Variants in TMTC2 observed in about 807,000 individuals in gnomAD.
TMTC2 encodes the protein transmembrane O-mannosyltransferase targeting cadherins 2, also known as protein O-mannosyl-transferase TMTC2.
In TMTC2, 43 loss-of-function variants were observed where a neutral mutation model predicts 82.4. That is an observed-to-expected ratio of 0.52 (90% CI 0.41 to 0.67). The LOEUF is 0.67. TMTC2 is among the 30% of genes least tolerant of loss of function. TMTC2 has a pLI of 0.00. For missense variants in TMTC2, 919 were observed against 1,012.4 expected (o/e 0.91, Z 1.25); for synonymous variants, 408 against 381.9 (o/e 1.07, Z -0.80).
At chr12:83,033,399 C>G (rs1881519754) in intron 9 of TMTC2, among the ~76,000 whole-genome samples, 1 of 152,164 alleles carries the variant, frequency 6.6e-6, no homozygotes, top group Non-Finnish European at 1.5e-5. Flanking sequence ...TTGACTTGCT[C>G]AAGTTAATTA....
At chr12:82,947,231 T>G (rs560892501) in intron 4 of TMTC2, among the ~76,000 whole-genome samples, 17 of 152,138 alleles carry the variant, frequency 1.1e-4, no homozygotes, top group African/African-American at 4.1e-4. Flanking sequence ...AAAAAATCTC[T>G]AAATCTTCAA....
chr12:82,919,240 C>T (rs1488005542), intron 3 of TMTC2, among the ~76,000 whole-genome samples: 1 of 152,170 alleles, frequency 6.6e-6, no homozygotes, highest in East Asian at 1.9e-4. Context: ...TAACAGTTCA[C>T]TCTAGTGAAA....
intron 1 of TMTC2, among the ~76,000 whole-genome samples, chr12:82,854,395 C>T (rs905523661): frequency 6.6e-6 from 1 of 152,138 alleles, no homozygotes; most frequent in Non-Finnish European, 1.5e-5. Flanking sequence ...CCTAAGGACA[C>T]CTTGTGGGCC....
intron 1 of TMTC2, among the ~76,000 whole-genome samples, chr12:82,714,318 T>C (rs1873793028): frequency 6.6e-6 from 1 of 152,222 alleles, no homozygotes; most frequent in Admixed American, 6.5e-5. Flanking sequence ...AAATAAATAT[T>C]TAGAAAGTTG....
intron 2 of TMTC2, among the ~76,000 whole-genome samples, chr12:82,892,322 C>G (rs1016733162): frequency 2.6e-5 from 4 of 152,074 alleles, no homozygotes; most frequent in African/African-American, 9.7e-5. Context: ...AGTACTTAGA[C>G]ATATAATATT....
chr12:82,824,984 G>T (rs12296710), intron 1 of TMTC2, among the ~76,000 whole-genome samples: 9,294 of 151,970 alleles, frequency 0.061, 309 homozygotes, highest in Middle Eastern at 0.19. Context: ...AGCTACTTGG[G>T]AGCCTGAGGC....
At chr12:83,114,394 T>G (rs1884691945) in intron 11 of TMTC2, among the ~76,000 whole-genome samples, 1 of 152,156 alleles carries the variant, frequency 6.6e-6, no homozygotes, top group Non-Finnish European at 1.5e-5. Flanking sequence ...GATCTCAGAC[T>G]TCCAGACTCC....
chr12:83,127,212 A>G (rs2137569493), intron 11 of TMTC2, among the ~76,000 whole-genome samples: 1 of 152,286 alleles, frequency 6.6e-6, no homozygotes, highest in Admixed American at 6.5e-5. Flanking sequence ...TTGAGTAATA[A>G]CTAGGTAAGG....
intron 4 of TMTC2, among the ~76,000 whole-genome samples, chr12:82,958,024 A>G (rs934498609): frequency 5.3e-5 from 8 of 152,042 alleles, no homozygotes; most frequent in Admixed American, 6.6e-5. Context: ...GACTCATTCT[A>G]TGAAGCCAGC....
intron 8 of TMTC2, among the ~76,000 whole-genome samples, chr12:82,993,425 T>TA (rs1392682366): frequency 3.9e-5 from 6 of 151,984 alleles, no homozygotes; most frequent in Non-Finnish European, 8.8e-5. Context: ...TGCAACAATT[T>TA]AAAAAAACAG....
intron 1 of TMTC2, among the ~76,000 whole-genome samples, chr12:82,793,218 G>A (rs1878551412): frequency 6.6e-6 from 1 of 151,938 alleles, no homozygotes; most frequent in South Asian, 2.1e-4. Context: ...TCCTTTTTTA[G>A]TACCTTTTGG....
rs1479433545 is a variant in TMTC2 at position 82,963,834 on chromosome 12, T to C, written c.1599-1190T>C. Among the ~76,000 whole-genome samples the C allele has an allele frequency of 7.7e-4, 80 of 104,226 alleles. 3 individuals carry two copies. The highest frequency in any genetic ancestry group is 3.0e-3 in the African/African-American group (54 of 17,942). The allele number at this position is 104,226 out of a possible 152,430, so 68.4% of individuals were successfully genotyped here. The stretch of plus-strand genomic sequence containing the variant: ...ATATATATATATATATATATATATA[T>C]ATATATATATATATATGTGAAAGTG... On this transcript the variant is annotated intron_variant, in intron 4 of 11. Coordinates refer to ENST00000321196, the MANE Select transcript of TMTC2 (RefSeq NM_152588.3).
intron 3 of TMTC2, among the ~76,000 whole-genome samples, chr12:82,919,561 A>T (rs1221621724): frequency 1.3e-5 from 2 of 152,200 alleles, no homozygotes; most frequent in Admixed American, 6.5e-5. Flanking sequence ...TCAAGGCATG[A>T]TCTGTATAGA....
intron 8 of TMTC2, among the ~76,000 whole-genome samples, chr12:83,022,305 AG>A (rs778760939): frequency 7.3e-5 from 11 of 151,198 alleles, no homozygotes; most frequent in Non-Finnish European, 1.3e-4. Context: ...CTACTCCCTT[AG>A]GTTACTCTTC....
At chr12:82,966,496 G>A (rs1409977252) in intron 6 of TMTC2, among the ~76,000 whole-genome samples, 6 of 152,158 alleles carry the variant, frequency 3.9e-5, no homozygotes, top group Non-Finnish European at 8.8e-5. Context: ...AATTTCTGTG[G>A]GTTTCAAGAG....
intron 8 of TMTC2, among the ~76,000 whole-genome samples, chr12:83,029,151 G>A (rs1041979051): frequency 5.3e-5 from 8 of 151,754 alleles, no homozygotes; most frequent in Admixed American, 2.6e-4. Flanking sequence ...TTTTAATGAC[G>A]GAATGAACAA....
intron 10 of TMTC2, among the ~76,000 whole-genome samples, chr12:83,053,335 G>A (rs1350241718): frequency 6.6e-6 from 1 of 151,992 alleles, no homozygotes; most frequent in African/African-American, 2.4e-5. Flanking sequence ...AGAGAGACTG[G>A]GTGTCTCCTG....
intron 1 of TMTC2, among the ~76,000 whole-genome samples, chr12:82,752,030 C>T (rs1876033695): frequency 6.6e-6 from 1 of 152,044 alleles, no homozygotes; most frequent in Non-Finnish European, 1.5e-5. Context: ...GGAAAAATGC[C>T]ATTCCATTAG....
At chr12:83,011,528 A>G (rs1184331359) in intron 8 of TMTC2, among the ~76,000 whole-genome samples, 1 of 152,200 alleles carries the variant, frequency 6.6e-6, no homozygotes, top group Admixed American at 6.5e-5. Flanking sequence ...TATGGCATGG[A>G]ACATTGCTAA....
Sources: gnomAD v4.1 joint callset for allele counts (sites outside exome capture counted in the v4.1 genomes callset) on GRCh38, gnomAD v4.1.1 for gene constraint, MANE v1.5 for transcripts, NCBI Gene and HGNC (gene_info 2026-07-23, HGNC 2026-07-21) for gene names.